ZNF90: variants seen among roughly 807,000 people sequenced by gnomAD.
ZNF90 encodes zinc finger protein HTF9.
ZNF90 carries 11 observed loss-of-function variants against 12.0 expected under a neutral mutation model. That is an observed-to-expected ratio of 0.92 (90% CI 0.58 to 1.52). The LOEUF is 1.52. Ranked by LOEUF, ZNF90 falls within the 40% of genes most tolerant of loss-of-function variation. The probability of loss-of-function intolerance (pLI) is 0.00; values close to 1 mark genes in which losing one functional copy is unlikely to be tolerated. For synonymous variants in ZNF90, 232 were observed against 240.1 expected (o/e 0.97, Z 0.31); for missense variants, 765 against 711.5 (o/e 1.08, Z -0.86).
At chr19:20,100,260 T>C (rs1334425923) in intron 1 of ZNF90, among the ~76,000 whole-genome samples, 1 of 152,126 alleles carries the variant, frequency 6.6e-6, no homozygotes, top group Non-Finnish European at 1.5e-5. Context: ...ACCAAACCTT[T>C]TACTTAGGCA....
chr19:20,106,236 T>C (rs1555704417), intron 3 of ZNF90, among the ~76,000 whole-genome samples: 1 of 152,062 alleles, frequency 6.6e-6, no homozygotes, highest in African/African-American at 2.4e-5. Flanking sequence ...ATTTATTATT[T>C]GAGACAGTTT....
chr19:20,117,890 G>A lies in ZNF90; in HGVS notation c.336G>A (p.Glu112=). The change falls in exon 4 of 4, where the codon GAG becomes GAA. Residue 112 remains glutamate, a synonymous_variant. Coordinates refer to ENST00000418063, the MANE Select transcript of ZNF90 (RefSeq NM_007138.2). ...RYEKREYGNL[E]LKKGCESVDE... is the part of the protein sequence containing the mutation. Reference sequence around the variant, plus strand: ...AAAAACGTGAATATGGCAATTTAGAGTTAAAAAAAGGTTGTGAAAGTGTGG... The same window carrying A: ...AAAAACGTGAATATGGCAATTTAGAATTAAAAAAAGGTTGTGAAAGTGTGG... 1 of 1,611,612 alleles carries A rather than the reference G, an allele frequency of 6.2e-7. No homozygotes were observed. The highest frequency in any genetic ancestry group is 8.5e-7 in the Non-Finnish European group (1 of 1,179,018).
intron 3 of ZNF90, among the ~76,000 whole-genome samples, chr19:20,116,895 G>A (rs190055351): frequency 4.0e-4 from 61 of 150,912 alleles, no homozygotes; most frequent in Admixed American, 1.3e-3. Context: ...TTCTTTAAGC[G>A]TTTTATGTCA....
In ZNF90 at chr19:20,104,091, T is replaced by G; in HGVS notation, c.4-148T>G. 6.9e-6 allele frequency: 8 copies of G among 1,161,892 alleles called. No individual in the cohort carries two copies. In the South Asian group the frequency reaches 9.9e-5, roughly 14 times the overall value. The allele number at this position is 1,161,892 out of a possible 1,614,324, so 72.0% of individuals were successfully genotyped here. A position where few individuals can be genotyped will look rare whatever the true frequency, so the allele number is the denominator to read the frequency against. On this transcript the variant is annotated intron_variant, in intron 1 of 3. Coordinates refer to ENST00000418063, the MANE Select transcript of ZNF90 (RefSeq NM_007138.2). Reference sequence around the variant, plus strand: ...GGCAATATATTAGAAAATATTTTTGTGTTGGAAATTGTTTTATTGGATAAT... The same window carrying G: ...GGCAATATATTAGAAAATATTTTTGGGTTGGAAATTGTTTTATTGGATAAT...
At chr19:20,093,340 T>C (rs1450313064) in intron 1 of ZNF90, among the ~76,000 whole-genome samples, 1 of 152,182 alleles carries the variant, frequency 6.6e-6, no homozygotes, top group Non-Finnish European at 1.5e-5. Flanking sequence ...TTAATCATTT[T>C]AAAGCATGCT....
At chr19:20,080,709 C>T (rs1269602401) in intron 1 of ZNF90, among the ~76,000 whole-genome samples, 3 of 152,154 alleles carry the variant, frequency 2.0e-5, no homozygotes, top group Non-Finnish European at 4.4e-5. Context: ...AATTTTCAAA[C>T]AATAGGTGAG....
chr19:20,117,899 AG>A lies in ZNF90; in HGVS notation c.347del (p.Gly116ValfsTer22). 1.2e-6 allele frequency: 2 copies of A among 1,611,960 alleles called. No homozygotes were observed. Among genetic ancestry groups the A allele is most frequent in the East Asian group, 2.2e-5 (1 of 44,850 alleles). ...REYGNLELKK[G>X]CESVDEGKVH... is the part of the protein sequence containing the mutation. ...AATATGGCAATTTAGAGTTAAAAAA[AG>A]GTTGTGAAAGTGTGGATGAGGGTAA... On this transcript the variant is annotated frameshift_variant, in exon 4 of 4. Coordinates refer to ENST00000418063, the MANE Select transcript of ZNF90 (RefSeq NM_007138.2). LOFTEE classifies it low-confidence loss of function (END_TRUNC).
At chr19:20,101,300 T>C (rs836911) in intron 1 of ZNF90, among the ~76,000 whole-genome samples, 92,911 of 152,014 alleles carry the variant, frequency 0.61, 28,716 homozygotes, top group East Asian at 0.81. Flanking sequence ...TCTAATAGAA[T>C]TATAAGACTC....
At chr19:20,116,619 A>G (rs370152236) in intron 3 of ZNF90, among the ~76,000 whole-genome samples, 4 of 152,306 alleles carry the variant, frequency 2.6e-5, no homozygotes, top group African/African-American at 9.6e-5. Context: ...ACCTGTTACA[A>G]TCTTTTTATA....
chr19:20,086,981 C>A (rs1409236218), intron 1 of ZNF90: 1 of 152,200 alleles, frequency 6.6e-6, no homozygotes, highest in African/African-American at 2.4e-5. Context: ...ATATGTTCCA[C>A]TATATGAACA....
rs1555706452 is a variant in ZNF90 at position 20,120,638 on chromosome 19, A to C, written c.*1278A>C. On this transcript the variant is annotated 3_prime_UTR_variant, in exon 4 of 4. Coordinates refer to ENST00000418063, the MANE Select transcript of ZNF90 (RefSeq NM_007138.2). ...AATGAATTCCATGTAAATATCAGAG[A>C]ATTTACAGTAGAATAAGGCACTGAT... is the stretch of plus-strand genomic sequence containing the variant. Among the ~76,000 whole-genome samples the C allele has an allele frequency of 6.6e-6, 1 of 152,226 alleles. No homozygotes were observed. Among genetic ancestry groups the C allele is most frequent in the Non-Finnish European group, 1.5e-5 (1 of 68,030 alleles).
At chr19:20,109,877 T>C (rs575874377) in intron 3 of ZNF90, among the ~76,000 whole-genome samples, 35 of 152,160 alleles carry the variant, frequency 2.3e-4, no homozygotes, top group Non-Finnish European at 4.7e-4. Context: ...CATGTTGTTA[T>C]GCAAAAGACT....
rs543628262 is a variant in ZNF90, at chr19:20,082,541, G to A, written c.3+4406G>A. Among the ~76,000 whole-genome samples the A allele has an allele frequency of 7.0e-4, 106 of 152,294 alleles. 1 individual carries two copies. Among genetic ancestry groups the A allele is most frequent in the African/African-American group, 1.7e-3 (71 of 41,562 alleles). ...TAATGGATTTAGGGCTATGCAGGAT[G>A]TGCTTTGTTAAACAAATGCTTGAAG... On this transcript the variant is annotated intron_variant, in intron 1 of 3. Coordinates refer to ENST00000418063, the MANE Select transcript of ZNF90 (RefSeq NM_007138.2).
chr19:20,102,263 T>C (rs1472035817), intron 1 of ZNF90, among the ~76,000 whole-genome samples: 1 of 152,180 alleles, frequency 6.6e-6, no homozygotes, highest in Non-Finnish European at 1.5e-5. Flanking sequence ...CCCTTCTAAC[T>C]CATGTATTTA....
At chr19:20,116,990 A>G (rs936971069) in intron 3 of ZNF90, among the ~76,000 whole-genome samples, 2 of 149,446 alleles carry the variant, frequency 1.3e-5, no homozygotes, top group Non-Finnish European at 2.9e-5. Context: ...AAAAAAAAAA[A>G]AAAAAGAATT....
intron 3 of ZNF90, among the ~76,000 whole-genome samples, chr19:20,115,714 A>G (rs1288767006): frequency 2.0e-5 from 3 of 151,980 alleles, no homozygotes; most frequent in African/African-American, 4.8e-5. Flanking sequence ...TTATGTTTAC[A>G]TCATTTTTCT....
intron 3 of ZNF90, among the ~76,000 whole-genome samples, chr19:20,110,367 C>G (rs181778647): frequency 3.7e-4 from 56 of 152,180 alleles, no homozygotes; most frequent in African/African-American, 1.1e-3. Flanking sequence ...CAACCCCTGC[C>G]TCCTGGGTTC....
At chr19:20,088,361 C>T (rs1161082163) in intron 1 of ZNF90, among the ~76,000 whole-genome samples, 5 of 151,764 alleles carry the variant, frequency 3.3e-5, no homozygotes, top group African/African-American at 7.3e-5. Flanking sequence ...AAACATTTGT[C>T]GTATAGAAAG....
At chr19:20,094,489 A>G (rs1452739752) in intron 1 of ZNF90, among the ~76,000 whole-genome samples, 1 of 152,144 alleles carries the variant, frequency 6.6e-6, no homozygotes, top group African/African-American at 2.4e-5. Context: ...TAAGTTTGTC[A>G]TAATTAACAG....
Sources: gnomAD v4.1 joint callset for allele counts (sites outside exome capture counted in the v4.1 genomes callset) on GRCh38, gnomAD v4.1.1 for gene constraint, MANE v1.5 for transcripts, NCBI Gene and HGNC (gene_info 2026-07-23, HGNC 2026-07-21) for gene names.